Variants in C3 observed in about 807,000 individuals in gnomAD.
C3 encodes the protein C3 and PZP-like alpha-2-macroglobulin domain-containing protein 1.
Under a neutral mutation model 207.9 loss-of-function variants are expected in C3, and 97 were observed. The ratio of observed to expected loss-of-function variants is 0.47; its 90% CI spans 0.40 to 0.55. The LOEUF (loss-of-function observed/expected upper bound fraction) is 0.55. Ranked by LOEUF, C3 falls within the 20% of genes least tolerant of loss-of-function variation. C3 has a pLI of 0.00. For synonymous variants in C3, 848 were observed against 857.6 expected (o/e 0.99, Z 0.20); for missense variants, 1,684 against 2,171.7 (o/e 0.78, Z 4.46).
At position 6,702,555 on chromosome 19, in the gene C3, G is replaced by A. The variant is rs1289658031; in HGVS notation, c.2270C>T (p.Ala757Val). The A allele has an allele frequency of 1.2e-6, 2 of 1,613,568 alleles. No homozygotes were observed. The highest frequency in any genetic ancestry group is 1.7e-5 in the Admixed American group (1 of 60,024). Residue 757 changes from alanine to valine, a missense_variant, in exon 18 of 41, where the codon GCA (alanine) becomes GTA (valine). Coordinates refer to ENST00000245907, the MANE Select transcript of C3 (RefSeq NM_000064.4). ...ARSNLDEDIIAEENIVSRSEF... is the reference protein window; with the variant it reads ...ARSNLDEDIIVEENIVSRSEF... Reference sequence around the variant, plus strand: ...ACTTCGGGAAACGATGTTCTCTTCTGCAATGATGTCCTCATCCAGGTTACC... The same window carrying A: ...ACTTCGGGAAACGATGTTCTCTTCTACAATGATGTCCTCATCCAGGTTACC...
chr19:6,683,446 A>ATTTTTTTTTTTT (rs770744810), intron 33 of C3: 16 of 93,430 alleles, frequency 1.7e-4, no homozygotes, highest in Non-Finnish European at 2.0e-4. Context: ...GTTTTATTCT[A>ATTTTTTTTTTTT]TTTTTTTTTT....
rs57940862 is a variant in C3, at chr19:6,691,989, A to AACACAC, written c.3390+929_3390+934dup. On this transcript the variant is annotated intron_variant, in intron 26 of 40. Coordinates refer to ENST00000245907, the MANE Select transcript of C3 (RefSeq NM_000064.4). ...GTGACAAGAGCAAAACTCCATCTCA[A>AACACAC]ACACACACACACACACACACACACA... 6.1e-3 allele frequency among the ~76,000 whole-genome samples: 837 copies of AACACAC among 136,920 alleles called. 4 individuals are homozygous for AACACAC. Among genetic ancestry groups the AACACAC allele is most frequent in the African/African-American group, 7.9e-3 (288 of 36,316 alleles). The allele number at this position is 136,920 out of a possible 152,430, so 89.8% of individuals were successfully genotyped here. A position where few individuals can be genotyped will look rare whatever the true frequency, so the allele number is the denominator to read the frequency against.
chr19:6,717,851 G>GT (rs369482483), intron 4 of C3: 1 of 600,552 alleles, frequency 1.7e-6, no homozygotes, highest in South Asian at 1.8e-5. Context: ...CATTGTGTGT[G>GT]TGCATTGTGT....
chr19:6,694,389 G>T (rs1186347638), intron 24 of C3, 42 bp downstream of exon 24: 1 of 1,584,732 alleles, frequency 6.3e-7, no homozygotes, highest in Non-Finnish European at 8.7e-7. Flanking sequence ...GATGCGCTCG[G>T]AAAGGGGTCC....
intron 26 of C3, among the ~76,000 whole-genome samples, chr19:6,691,350 G>A (rs11569579): frequency 6.6e-6 from 1 of 152,282 alleles, no homozygotes; most frequent in Non-Finnish European, 1.5e-5. Context: ...ACTGCGCCCA[G>A]CCAAGAGATA....
At position 6,710,736 on chromosome 19, in the gene C3, C is replaced by T. The variant is rs367679379; in HGVS notation, c.1589G>A (p.Arg530His). The change falls in exon 13 of 41, where the codon CGC becomes CAC. Residue 530 changes from arginine to histidine, a missense_variant. Physicochemically the swap from Arg to His is conservative, Grantham distance 29. Around this residue, in one of 3 missense-constraint regions of C3, gnomAD observed 1,280 missense variants for 1,739.1 expected, o/e 0.74. Coordinates refer to ENST00000245907, the MANE Select transcript of C3 (RefSeq NM_000064.4). ...GATCAGCGTGTAGTACGCCACCAGG[C>T]GGAAGGAAGGGATGAAGTCGGTGGT... ...SITTDFIPSF[R>H]LVAYYTLIGA... 7.4e-6 allele frequency: 12 copies of T among 1,613,702 alleles called. No homozygotes were observed. Among genetic ancestry groups the T allele is most frequent in the East Asian group, 2.2e-5 (1 of 44,894 alleles).
Position 6,714,016 on chromosome 19 carries a change from C to G in C3, c.749G>C (p.Gly250Ala), listed in dbSNP as rs770127612. Reference sequence around the variant, plus strand: ...CCTGGCGGTGATGGTGACCTCCAGGCCCTTCTCGTTATAGATGTAGTAGAA... The same window carrying G: ...CCTGGCGGTGATGGTGACCTCCAGGGCCTTCTCGTTATAGATGTAGTAGAA... ...EKFYYIYNEK[G>A]LEVTITARFL... The change falls in exon 7 of 41, where the codon GGC (glycine) becomes GCC (alanine). Residue 250 changes from glycine to alanine, a missense_variant. Transcript: ENST00000245907. 1 of 1,609,996 alleles carries G rather than the reference C, an allele frequency of 6.2e-7. No homozygotes were observed. The highest frequency in any genetic ancestry group is 8.5e-7 in the Non-Finnish European group (1 of 1,178,862).
intron 26 of C3, among the ~76,000 whole-genome samples, chr19:6,691,302 C>T (rs896990559): frequency 6.6e-6 from 1 of 152,122 alleles, no homozygotes; most frequent in Non-Finnish European, 1.5e-5. Context: ...ATCCACCTGC[C>T]TCGGCCTCCC....
Position 6,702,503 on chromosome 19 carries a change from G to A in C3, c.2322C>T (p.Asn774=), listed in dbSNP as rs780025099. 8.7e-6 allele frequency: 14 copies of A among 1,613,958 alleles called. No individual in the cohort carries two copies. The highest frequency in any genetic ancestry group is 5.5e-5 in the South Asian group (5 of 91,080). ...TCGGTGGCTCTTTCAAGTCCTCAAC[G>A]TTCCACAGCCAGCTCTCTGGGAACT... ...RSEFPESWLW[N]VEDLKEPPKN... The change falls in exon 18 of 41, where the codon AAC becomes AAT. Residue 774 remains asparagine (N), a synonymous_variant. Transcript: ENST00000245907.
intron 18 of C3, 128 bp from the exon 19 acceptor site, chr19:6,702,340 C>A: frequency 1.0e-6 from 1 of 952,378 alleles, no homozygotes; most frequent in Non-Finnish European, 1.7e-6. Flanking sequence ...GTAGGTCACC[C>A]AATTCCTGAT....
At chr19:6,706,731 C>T (rs1377529982) in intron 17 of C3, among the ~76,000 whole-genome samples, 1 of 143,064 alleles carries the variant, frequency 7.0e-6, no homozygotes, top group Non-Finnish European at 1.5e-5. Flanking sequence ...ATCCTCCCCC[C>T]TCAGACAGAG....
chr19:6,685,561 C>T (rs1917983278), intron 29 of C3, among the ~76,000 whole-genome samples: 1 of 152,090 alleles, frequency 6.6e-6, no homozygotes. Flanking sequence ...ATCTACAACC[C>T]AAGAGTGACA....
intron 29 of C3, 75 bp from the exon 30 acceptor site, chr19:6,685,221 G>A: frequency 7.3e-7 from 1 of 1,376,022 alleles, no homozygotes; most frequent in Non-Finnish European, 1.0e-6. Context: ...GGGATAAAGA[G>A]GTTCAAATCA....
chr19:6,702,415 G>A (rs544277600), intron 18 of C3, 56 bp downstream of exon 18: 52 of 1,178,388 alleles, frequency 4.4e-5, no homozygotes, highest in Non-Finnish European at 6.3e-5. Flanking sequence ...GCAGGTGCAT[G>A]CAAATTAAAC....
chr19:6,709,615 A>ACCCCCCCC, intron 14 of C3, 69 bp downstream of exon 14: 10 of 403,564 alleles, frequency 2.5e-5, no homozygotes, highest in Admixed American at 6.4e-5. Flanking sequence ...CTCCAGTCCC[A>ACCCCCCCC]CCCACCTCCC....
intron 18 of C3, 50 bp from the exon 19 acceptor site, chr19:6,702,262 G>C: frequency 6.5e-6 from 8 of 1,238,562 alleles, no homozygotes; most frequent in South Asian, 1.2e-5. Flanking sequence ...TAGCAGGGTG[G>C]TAGAGGGGAA....
At position 6,683,594 on chromosome 19, in the gene C3, G is replaced by T. The variant is rs1039932404; in HGVS notation, c.4172+794C>A. Among the ~76,000 whole-genome samples the T allele has an allele frequency of 1.2e-3, 189 of 151,772 alleles. 3 individuals are homozygous for T. The highest frequency in any genetic ancestry group is 2.4e-4 in the Non-Finnish European group (16 of 67,934). Reference sequence around the variant, plus strand: ...GCCTCCCAAGTAGCTGGGACTACAGGCACCCGCCACCATGCCCGGCTAATT... The same window carrying T: ...GCCTCCCAAGTAGCTGGGACTACAGTCACCCGCCACCATGCCCGGCTAATT... On this transcript the variant is annotated intron_variant, in intron 33 of 40. Transcript: ENST00000245907.
chr19:6,707,080 G>A lies in C3; in HGVS notation c.2241C>T (p.Ala747=). ...TCCCCACCCCGTGGGACCTACTCCT[G>A]GCCAGGCCCAGGTGGCTGGCCCGCG... The part of the protein sequence containing the change: ...QHARASHLGL[A]RSNLDEDIIA... The change falls in exon 17 of 41, where the codon GCC becomes GCT. Residue 747 remains alanine, a synonymous_variant. Transcript: ENST00000245907. 1 of 1,605,930 alleles carries A rather than the reference G, an allele frequency of 6.2e-7. No individual in the cohort carries two copies.
chr19:6,717,777 ATTGTG>A (rs1197612945), intron 4 of C3: 5 of 472,128 alleles, frequency 1.1e-5, no homozygotes, highest in Middle Eastern at 6.1e-4. Flanking sequence ...TGCTGTGTGT[ATTGTG>A]TTGTGTGTTG....
Sources: allele counts gnomAD v4.1 joint callset (sites outside exome capture counted in the v4.1 genomes callset), GRCh38; gene constraint gnomAD v4.1.1; regional missense constraint gnomAD v4.1.1; transcripts MANE v1.5; gene names NCBI Gene and HGNC (gene_info 2026-07-23, HGNC 2026-07-21).